The following ECEL1 variants were observed in gnomAD, a reference collection of about 807,000 sequenced individuals.
ECEL1 encodes the protein endothelin-converting enzyme-like 1.
ECEL1 carries 87 observed loss-of-function variants against 101.8 expected under a neutral mutation model. The ratio of observed to expected loss-of-function variants is 0.85; its 90% CI spans 0.72 to 1.02. ECEL1 has a LOEUF of 1.02. ECEL1 is among the 50% of genes least tolerant of loss of function. The pLI is 0.00. For synonymous variants in ECEL1, 487 were observed against 468.7 expected, an observed-to-expected ratio of 1.04 and a Z score of -0.50; for missense variants, 1,032 against 1,079.2, an observed-to-expected ratio of 0.96 and a Z score of 0.61.
Position 232,486,034 on chromosome 2 carries a change from T to C in ECEL1, c.620A>G (p.Asp207Gly). ...GCCGCCCAGGTCCCAGCCCCCGCAG[T>C]CCTCGATGACCTCTAGCATGGGTCG... ...GPRPMLEVIEDCGGWDLGGAE... is the reference protein window; with the variant it reads ...GPRPMLEVIEGCGGWDLGGAE... The change falls in exon 2 of 18, where the codon GAC (aspartate) becomes GGC (glycine). Residue 207 changes from aspartate to glycine, a missense_variant. By Grantham distance (94) the Asp-to-Gly change is moderately conservative (BLOSUM62 -1). Coordinates refer to ENST00000304546, the MANE Select transcript of ECEL1 (RefSeq NM_004826.4). The C allele has an allele frequency of 6.2e-7, 1 of 1,609,214 alleles. No homozygotes were observed. Among genetic ancestry groups the C allele is most frequent in the Non-Finnish European group, 8.5e-7 (1 of 1,178,728 alleles).
intron 6 of ECEL1, 102 bp from the exon 7 acceptor site, chr2:232,484,325 G>A: frequency 6.4e-7 from 1 of 1,561,472 alleles, no homozygotes. Flanking sequence ...CTGGACCCAG[G>A]ACCCAGACAG....
chr2:232,482,655 C>G, intron 10 of ECEL1, 47 bp from the exon 11 acceptor site: 1 of 1,575,936 alleles, frequency 6.3e-7, no homozygotes, highest in Non-Finnish European at 8.6e-7. Context: ...CTCCCTCCCC[C>G]GCTACCCTCA....
Position 232,484,614 on chromosome 2 carries a change from G to A in ECEL1, c.1060-18C>T. ...CACCGCAACTGTGAGACCAAGGACAGGGACAGTGAGGCTAGGGTTGGCAGG... is the reference window on the plus strand; with the variant it reads ...CACCGCAACTGTGAGACCAAGGACAAGGACAGTGAGGCTAGGGTTGGCAGG... On this transcript the variant is annotated intron_variant, in intron 5 of 17. Coordinates refer to ENST00000304546, the MANE Select transcript of ECEL1 (RefSeq NM_004826.4). 2 of 1,613,418 alleles carry A rather than the reference G, an allele frequency of 1.2e-6. No homozygotes were observed. Among genetic ancestry groups the A allele is most frequent in the Admixed American group, 1.7e-5 (1 of 60,018 alleles).
intron 1 of ECEL1, among the ~76,000 whole-genome samples, chr2:232,487,400 G>C (rs1391191299): frequency 6.6e-6 from 1 of 152,042 alleles, no homozygotes; most frequent in Non-Finnish European, 1.5e-5. Context: ...CCCGAGACGG[G>C]TTCCCTCCCC....
chr2:232,481,151 G>T lies in ECEL1; in HGVS notation c.1995C>A (p.Asn665Lys). The change falls in exon 15 of 18, where the codon AAC becomes AAA. Residue 665 changes from asparagine to lysine, a missense_variant. Coordinates refer to ENST00000304546, the MANE Select transcript of ECEL1 (RefSeq NM_004826.4). ...TGTTCTCCCCAAGCGTGTGTTTCCC[G>T]TTCACCTGCCGGGAAGGGAAGAGGC... is the stretch of plus-strand genomic sequence containing the variant. The part of the protein sequence containing the change: ...DNFTVYNQRV[N>K]GKHTLGENIA... 6.4e-7 allele frequency: 1 copy of T among 1,564,614 alleles called. No individual in the cohort carries two copies. The highest frequency in any genetic ancestry group is 8.7e-7 in the Non-Finnish European group (1 of 1,154,426).
At position 232,484,786 on chromosome 2, in the gene ECEL1, C is replaced by A; in HGVS notation, c.1059+15G>T. 1 of 1,613,688 alleles carries A rather than the reference C, an allele frequency of 6.2e-7. No individual in the cohort carries two copies. The highest frequency in any genetic ancestry group is 1.1e-5 in the South Asian group (1 of 91,074). On this transcript the variant is annotated intron_variant, in intron 5 of 17. Transcript: ENST00000304546. ...CCTCAACCCTGCCTGCCCACGAGGA[C>A]TGGGCCACACTCACGTGGGGGGTGA... is the stretch of plus-strand genomic sequence containing the variant.
At position 232,483,493 on chromosome 2, in the gene ECEL1, T is replaced by A. The variant is rs771042731; in HGVS notation, c.1429A>T (p.Ile477Phe). 3.7e-6 allele frequency: 6 copies of A among 1,611,336 alleles called. No individual in the cohort carries two copies. The highest frequency in any genetic ancestry group is 5.1e-6 in the Non-Finnish European group (6 of 1,179,426). ...KAKVQQLVED[I>F]KYILGQRLEE... ...AGGCGCTGGCCCAGGATGTACTTGA[T>A]GTCTTCCACTAGCTGCTGCACCTGC... Residue 477 changes from isoleucine to phenylalanine, a missense_variant, in exon 8 of 18, where the codon ATC becomes TTC. By Grantham distance (21) the Ile-to-Phe change is conservative (BLOSUM62 0). Transcript: ENST00000304546.
At chr2:232,483,688 C>T (rs894613593) in intron 7 of ECEL1, among the ~76,000 whole-genome samples, 174 bp from the exon 8 acceptor site, 3 of 152,222 alleles carry the variant, frequency 2.0e-5, no homozygotes, top group East Asian at 1.9e-4. Flanking sequence ...CGAGGGCTCA[C>T]AAGATAGAGG....
At chr2:232,483,891 C>T (rs887302287) in intron 7 of ECEL1, 110 bp downstream of exon 7, 6 of 1,210,892 alleles carry the variant, frequency 5.0e-6, no homozygotes, top group Non-Finnish European at 7.0e-6. Flanking sequence ...AGGGCCTGGT[C>T]CCCCTGCCTG....
In ECEL1 at chr2:232,480,162, G is replaced by A. The variant is rs199552033; in HGVS notation, c.2319C>T (p.Ser773=). 1.2e-5 allele frequency: 19 copies of A among 1,613,356 alleles called. No individual in the cohort carries two copies. Among genetic ancestry groups the A allele is most frequent in the Admixed American group, 6.7e-5 (4 of 59,978 alleles). ...AGGCGGGCAGCCAGGCTCACCACAC[G>A]GAACACTTGTGGGCAGGGTTCATGG... is the stretch of plus-strand genomic sequence containing the variant. ...DSPMNPAHKC[S]VW Residue 773 remains serine (S), a synonymous_variant, in exon 18 of 18, where the codon TCC becomes TCT. Coordinates refer to ENST00000304546, the MANE Select transcript of ECEL1 (RefSeq NM_004826.4).
intron 11 of ECEL1, 31 bp downstream of exon 11, chr2:232,482,519 C>T (rs780076690): frequency 1.2e-6 from 2 of 1,613,988 alleles, no homozygotes; most frequent in African/African-American, 1.3e-5. Flanking sequence ...TCGGACCCTG[C>T]CCCGCCCGGC....
At chr2:232,482,824 A>T in intron 10 of ECEL1, 27 bp downstream of exon 10, 2 of 1,610,450 alleles carry the variant, frequency 1.2e-6, no homozygotes, top group Non-Finnish European at 1.7e-6. Flanking sequence ...CCCTTCCCTG[A>T]CCCCCAGCTC....
chr2:232,480,925 G>T, intron 15 of ECEL1, 112 bp from the exon 16 acceptor site: 1 of 1,348,774 alleles, frequency 7.4e-7, no homozygotes, highest in Non-Finnish European at 1.0e-6. Flanking sequence ...GGGGGCCCGT[G>T]AATCCTTCCT....
Position 232,486,220 on chromosome 2 carries a change from A to G in ECEL1, c.434T>C (p.Leu145Pro). ...LRRHAIPDDK[L>P]TYGTIAAIGE... ...GATGGCCGCGATGGTGCCATAGGTG[A>G]GCTTGTCGTCGGGGATGGCGTGGCG... Residue 145 changes from leucine (L) to proline (P), a missense_variant, in exon 2 of 18, where the codon CTC becomes CCC. Leu to Pro is a moderately conservative substitution (Grantham distance 98). Transcript: ENST00000304546. 6.2e-7 allele frequency: 1 copy of G among 1,601,146 alleles called. No homozygotes were observed. The highest frequency in any genetic ancestry group is 8.5e-7 in the Non-Finnish European group (1 of 1,178,344).
chr2:232,480,548 AGC>A, intron 16 of ECEL1, 73 bp from the exon 17 acceptor site: 1 of 1,586,224 alleles, frequency 6.3e-7, no homozygotes, highest in South Asian at 1.1e-5. Flanking sequence ...CCCCCCACCC[AGC>A]ACACAAGGCG....
At position 232,486,109 on chromosome 2, in the gene ECEL1, G is replaced by T; in HGVS notation, c.545C>A (p.Ala182Asp). The T allele has an allele frequency of 6.3e-7, 1 of 1,586,650 alleles. No homozygotes were observed. The highest frequency in any genetic ancestry group is 8.6e-7 in the Non-Finnish European group (1 of 1,168,256). Reference protein sequence around the residue: ...PGGAAQRKVRAFFRSCLDMRE... With the variant: ...PGGAAQRKVRDFFRSCLDMRE... Reference sequence around the variant, plus strand: ...CATGTCGAGGCACGAGCGGAAGAAGGCGCGCACCTTGCGCTGGGCCGCGCC... The same window carrying T: ...CATGTCGAGGCACGAGCGGAAGAAGTCGCGCACCTTGCGCTGGGCCGCGCC... Residue 182 changes from alanine (A) to aspartate (D), a missense_variant, in exon 2 of 18, where the codon GCC becomes GAC. Physicochemically the swap from Ala to Asp is moderately radical, Grantham distance 126. Coordinates refer to ENST00000304546, the MANE Select transcript of ECEL1 (RefSeq NM_004826.4).
In ECEL1 at chr2:232,484,028, C is replaced by T. The variant is rs370151360; in HGVS notation, c.1380G>A (p.Glu460=). ...GMALGALFVH[E]HFSAASKAKV... Reference sequence around the variant, plus strand: ...TGGCTTTGCTGGCAGCTGAGAAGTGCTCATGTACAAAGAGGGCGCCAAGCG... The same window carrying T: ...TGGCTTTGCTGGCAGCTGAGAAGTGTTCATGTACAAAGAGGGCGCCAAGCG... Residue 460 remains glutamate, a synonymous_variant, in exon 7 of 18, where the codon GAG becomes GAA. Transcript: ENST00000304546. 1.1e-5 allele frequency: 17 copies of T among 1,610,056 alleles called. No homozygotes were observed. The highest frequency in any genetic ancestry group is 1.7e-5 in the Admixed American group (1 of 59,872).
rs1294745364 is a variant in ECEL1, at chr2:232,482,707, G to A, written c.1686-99C>T. 3 of 1,520,392 alleles carry A rather than the reference G, an allele frequency of 2.0e-6. No homozygotes were observed. In the Admixed American group the frequency reaches 5.1e-5, roughly 26 times the overall value. The allele number at this position is 1,520,392 out of a possible 1,614,324, so 94.2% of individuals were successfully genotyped here. A position where few individuals can be genotyped will look rare whatever the true frequency, so the allele number is the denominator to read the frequency against. ...TCAGCCATCTCCTGACAGTCTGGGG[G>A]TCACCCTGCCGGCCCCCACCCCATG... On this transcript the variant is annotated intron_variant, in intron 10 of 17. Transcript: ENST00000304546.
chr2:232,481,056 C>T, intron 15 of ECEL1, 35 bp downstream of exon 15: 1 of 1,550,608 alleles, frequency 6.4e-7, no homozygotes, highest in Non-Finnish European at 8.7e-7. Context: ...CCCGTCCCTC[C>T]TGCAGCAGGG....
Sources: allele counts gnomAD v4.1 joint callset (sites outside exome capture counted in the v4.1 genomes callset), GRCh38; gene constraint gnomAD v4.1.1; transcripts MANE v1.5; gene names NCBI Gene and HGNC (gene_info 2026-07-23, HGNC 2026-07-21).